CSMD1: variants seen among roughly 807,000 people sequenced by gnomAD.
CSMD1 encodes CUB and Sushi multiple domains 1.
CSMD1 carries 213 observed loss-of-function variants against 417.5 expected under a neutral mutation model. The observed-to-expected ratio is 0.51, with a 90% CI of 0.46 to 0.57. The LOEUF is 0.57. Among genes scored for constraint, CSMD1 ranks in the 20% least tolerant of loss-of-function variants. CSMD1 has a pLI of 0.00. For missense variants in CSMD1, 6,923 were observed against 4,529.7 expected (o/e 1.53, Z -15.17); for synonymous variants, 2,862 against 1,736.8 (o/e 1.65, Z -16.11).
intron 1 of CSMD1, among the ~76,000 whole-genome samples, chr8:4,872,030 G>T (rs1012478166): frequency 6.6e-6 from 1 of 152,080 alleles, no homozygotes; most frequent in South Asian, 2.1e-4. Context: ...AAATCCTCAT[G>T]GCTCCTGCAG....
intron 7 of CSMD1, among the ~76,000 whole-genome samples, chr8:3,622,749 G>A (rs1296348763): frequency 6.6e-6 from 1 of 151,552 alleles, no homozygotes; most frequent in Admixed American, 6.6e-5. Context: ...CTGACACACT[G>A]TATGTGCAAG....
At chr8:4,425,475 A>G (rs1185135437) in intron 2 of CSMD1, among the ~76,000 whole-genome samples, 1 of 152,032 alleles carries the variant, frequency 6.6e-6, no homozygotes, top group African/African-American at 2.4e-5. Flanking sequence ...CAAGAGCTAA[A>G]TTTGTGATTA....
At chr8:3,821,455 T>C (rs930126658) in intron 5 of CSMD1, among the ~76,000 whole-genome samples, 1 of 152,108 alleles carries the variant, frequency 6.6e-6, no homozygotes, top group African/African-American at 2.4e-5. Flanking sequence ...ATGGCTACAA[T>C]GCCACTAAGT....
chr8:3,806,002 C>G (rs1250537399), intron 5 of CSMD1, among the ~76,000 whole-genome samples: 1 of 152,200 alleles, frequency 6.6e-6, no homozygotes, highest in Non-Finnish European at 1.5e-5. Flanking sequence ...CTCAGGCAAA[C>G]TGGGGGAGAC....
At chr8:4,668,414 C>CTATTAT (rs1563103607) in intron 1 of CSMD1, among the ~76,000 whole-genome samples, 3 of 123,198 alleles carry the variant, frequency 2.4e-5, no homozygotes, top group East Asian at 2.4e-4. Context: ...TTGATGTTTT[C>CTATTAT]CATTATTATT....
At chr8:4,943,686 A>G (rs985387285) in intron 1 of CSMD1, among the ~76,000 whole-genome samples, 35 of 152,294 alleles carry the variant, frequency 2.3e-4, no homozygotes, top group African/African-American at 7.9e-4. Flanking sequence ...ACTGAATCAC[A>G]TATCTGTTCC....
intron 11 of CSMD1, among the ~76,000 whole-genome samples, chr8:3,472,997 T>C (rs917081819): frequency 2.0e-5 from 3 of 152,090 alleles, no homozygotes; most frequent in East Asian, 1.9e-4. Flanking sequence ...CCCACCAAAG[T>C]AGGCTCCTAA....
intron 3 of CSMD1, among the ~76,000 whole-genome samples, chr8:4,038,958 T>C (rs4433162): frequency 0.15 from 22,743 of 152,200 alleles, 2,428 homozygotes; most frequent in East Asian, 0.39. Flanking sequence ...AGTGACTTAA[T>C]TGGGCTATCA....
chr8:3,368,416 A>T (rs1809740844), intron 19 of CSMD1, among the ~76,000 whole-genome samples: 1 of 152,132 alleles, frequency 6.6e-6, no homozygotes, highest in African/African-American at 2.4e-5. Context: ...AGCTCACTGC[A>T]ACTTCCGCCT....
At chr8:4,231,044 G>A (rs559476713) in intron 3 of CSMD1, among the ~76,000 whole-genome samples, 60 of 152,218 alleles carry the variant, frequency 3.9e-4, no homozygotes, top group South Asian at 2.5e-3. Flanking sequence ...ACTTGCTACC[G>A]TGGGAAAATT....
intron 1 of CSMD1, among the ~76,000 whole-genome samples, chr8:4,684,293 C>G (rs565951359): frequency 6.6e-6 from 1 of 152,132 alleles, no homozygotes; most frequent in Admixed American, 6.6e-5. Flanking sequence ...AAAATAGGAG[C>G]GCAGACTTGG....
At chr8:4,279,840 C>A (rs1313386126) in intron 3 of CSMD1, among the ~76,000 whole-genome samples, 4 of 152,140 alleles carry the variant, frequency 2.6e-5, no homozygotes, top group Non-Finnish European at 5.9e-5. Context: ...TGCTTGCCTG[C>A]AGCAGCTCAC....
At chr8:4,595,239 C>T (rs1306117503) in intron 2 of CSMD1, among the ~76,000 whole-genome samples, 3 of 151,694 alleles carry the variant, frequency 2.0e-5, no homozygotes, top group Non-Finnish European at 4.4e-5. Context: ...CTTGAGTTGG[C>T]TATAACTCTG....
chr8:3,224,342 G>C (rs898981507), intron 27 of CSMD1, among the ~76,000 whole-genome samples: 2 of 152,146 alleles, frequency 1.3e-5, no homozygotes, highest in Non-Finnish European at 2.9e-5. Context: ...GCTTCATGTG[G>C]TACAGGGATC....
At chr8:4,860,949 TCA>T (rs1237650863) in intron 1 of CSMD1, among the ~76,000 whole-genome samples, 2 of 152,086 alleles carry the variant, frequency 1.3e-5, no homozygotes, top group African/African-American at 4.8e-5. Flanking sequence ...TCTGATATCC[TCA>T]GTTTCAAGAA....
intron 7 of CSMD1, among the ~76,000 whole-genome samples, chr8:3,653,002 C>A (rs1456737337): frequency 6.6e-6 from 1 of 152,100 alleles, no homozygotes; most frequent in African/African-American, 2.4e-5. Context: ...ACTATTAATG[C>A]CACTCAAATT....
chr8:4,349,832 T>A (rs1264091602), intron 3 of CSMD1, among the ~76,000 whole-genome samples: 1 of 152,114 alleles, frequency 6.6e-6, no homozygotes, highest in African/African-American at 2.4e-5. Context: ...TTTTTTTTTT[T>A]TTTTAAGTTT....
chr8:4,787,500 G>T (rs1563383609), intron 1 of CSMD1: 1 of 932,342 alleles, frequency 1.1e-6, no homozygotes, highest in Non-Finnish European at 1.7e-6. Context: ...ATCACCAGTT[G>T]TATTTTTCAG....
intron 4 of CSMD1, among the ~76,000 whole-genome samples, chr8:4,006,965 C>T (rs759457878): frequency 6.6e-6 from 1 of 151,086 alleles, no homozygotes; most frequent in Non-Finnish European, 1.5e-5. Context: ...GTAGCTGGGA[C>T]TACAGGCACA....
Sources: gnomAD v4.1 joint callset for allele counts (sites outside exome capture counted in the v4.1 genomes callset) on GRCh38, gnomAD v4.1.1 for gene constraint, MANE v1.5 for transcripts, NCBI Gene and HGNC (gene_info 2026-07-23, HGNC 2026-07-21) for gene names.